Variants in DPP10 observed in about 807,000 individuals in gnomAD.
DPP10 encodes dipeptidyl peptidase like 10.
A neutral mutation model predicts 120.9 loss-of-function variants in DPP10; 33 were observed. The observed-to-expected ratio is 0.27, with a 90% CI of 0.21 to 0.37. The LOEUF is 0.37. Ranked by LOEUF, DPP10 falls within the 10% of genes least tolerant of loss-of-function variation. The probability of loss-of-function intolerance (pLI) is 1.00; values close to 1 mark genes in which losing one functional copy is unlikely to be tolerated. For synonymous variants in DPP10, 337 were observed against 326.1 expected, an observed-to-expected ratio of 1.03 and a Z score of -0.36; for missense variants, 816 against 942.8, an observed-to-expected ratio of 0.87 and a Z score of 1.76.
intron 1 of DPP10, among the ~76,000 whole-genome samples, chr2:115,040,947 C>T (rs527948344): frequency 3.3e-5 from 5 of 151,794 alleles, no homozygotes; most frequent in Non-Finnish European, 7.4e-5. Flanking sequence ...GATGAAGCTC[C>T]GTCTCTACTA....
rs70941039 is a variant in DPP10, at chr2:115,279,655, C to CTTTTTTTTTTTTTTTTTTTTTTTTT, written c.61-29581_61-29557dup. 3.0e-4 allele frequency among the ~76,000 whole-genome samples: 13 copies of CTTTTTTTTTTTTTTTTTTTTTTTTT among 42,720 alleles called. 2 individuals are homozygous for CTTTTTTTTTTTTTTTTTTTTTTTTT. The highest frequency in any genetic ancestry group is 3.3e-4 in the African/African-American group (3 of 9,158). The allele number at this position is 42,720 out of a possible 152,430, so 28.0% of individuals were successfully genotyped here. ...TTTCTTTCTTTCTTTTTTTCTTCTT[C>CTTTTTTTTTTTTTTTTTTTTTTTTT]TTTTTTTTTTTTTTTTTTTTTTTTT... On this transcript the variant is annotated intron_variant, in intron 1 of 25. Transcript: ENST00000410059.
intron 1 of DPP10, among the ~76,000 whole-genome samples, chr2:114,817,523 G>A (rs1395676324): frequency 1.3e-5 from 2 of 152,182 alleles, no homozygotes; most frequent in African/African-American, 2.4e-5. Context: ...GATGCCTGAA[G>A]GAGGGGCCAG....
chr2:115,113,349 C>T (rs2049329135), intron 1 of DPP10, among the ~76,000 whole-genome samples: 1 of 151,690 alleles, frequency 6.6e-6, no homozygotes, highest in South Asian at 2.1e-4. Context: ...CCAAATGGTT[C>T]TTTTGCCCCC....
intron 1 of DPP10, among the ~76,000 whole-genome samples, chr2:115,209,131 T>A (rs1350323333): frequency 6.6e-6 from 1 of 152,086 alleles, no homozygotes; most frequent in East Asian, 1.9e-4. Flanking sequence ...CAAAAAGATA[T>A]CCTTTGACTT....
At chr2:115,338,355 TA>T (rs1186878122) in intron 2 of DPP10, among the ~76,000 whole-genome samples, 6 of 152,104 alleles carry the variant, frequency 3.9e-5, no homozygotes, top group Non-Finnish European at 8.8e-5. Context: ...TATGTTTATA[TA>T]AAAGAGTCTG....
intron 3 of DPP10, among the ~76,000 whole-genome samples, chr2:115,416,239 C>A (rs975097659): frequency 2.0e-5 from 3 of 152,064 alleles, no homozygotes; most frequent in Admixed American, 6.6e-5. Flanking sequence ...AAGGTAGATT[C>A]AAGGTTGATA....
intron 1 of DPP10, among the ~76,000 whole-genome samples, chr2:115,169,809 T>A (rs1216742920): frequency 6.6e-6 from 1 of 152,224 alleles, no homozygotes; most frequent in Non-Finnish European, 1.5e-5. Flanking sequence ...TAATTCGTCA[T>A]GCTTACTGGT....
intron 3 of DPP10, among the ~76,000 whole-genome samples, chr2:115,430,761 A>G (rs573678675): frequency 6.6e-6 from 1 of 152,294 alleles, no homozygotes. Flanking sequence ...TTTGACTTTA[A>G]TAAAGACAGC....
chr2:115,657,776 G>A (rs922779018), intron 5 of DPP10, among the ~76,000 whole-genome samples: 2 of 151,840 alleles, frequency 1.3e-5, no homozygotes, highest in African/African-American at 2.4e-5. Flanking sequence ...CATGCTATCT[G>A]CTTATGTTCT....
chr2:115,495,365 G>GAA (rs3039998), intron 3 of DPP10, among the ~76,000 whole-genome samples: 16,472 of 82,150 alleles, frequency 0.2, 2,242 homozygotes, highest in East Asian at 0.29. Flanking sequence ...GCCATTTTCT[G>GAA]AAAAAAAAAA....
At chr2:114,988,103 C>T (rs954506103) in intron 1 of DPP10, among the ~76,000 whole-genome samples, 10 of 152,224 alleles carry the variant, frequency 6.6e-5, no homozygotes, top group African/African-American at 2.4e-4. Context: ...CGCGCCCGGC[C>T]GCCGGAGACT....
intron 1 of DPP10, among the ~76,000 whole-genome samples, chr2:114,685,433 A>T (rs1699299513): frequency 6.6e-6 from 1 of 152,036 alleles, no homozygotes; most frequent in Admixed American, 6.6e-5. Context: ...ATAGAAAAAC[A>T]TAGACCTAAG....
chr2:114,835,814 C>G (rs950908684), intron 1 of DPP10, among the ~76,000 whole-genome samples: 2 of 152,136 alleles, frequency 1.3e-5, no homozygotes, highest in Non-Finnish European at 2.9e-5. Context: ...TATTGTGTTT[C>G]TAATCTTCTC....
At chr2:114,448,687 G>T (rs1030462267) in intron 1 of DPP10, among the ~76,000 whole-genome samples, 25 of 152,156 alleles carry the variant, frequency 1.6e-4, no homozygotes, top group Non-Finnish European at 2.9e-5. Context: ...GCTATTGTCA[G>T]CCTGTAAGAA....
intron 1 of DPP10, among the ~76,000 whole-genome samples, chr2:114,713,234 C>A (rs1701139227): frequency 6.6e-6 from 1 of 152,098 alleles, no homozygotes; most frequent in South Asian, 2.1e-4. Context: ...GTTATCCAAC[C>A]CCTTCAGCTT....
chr2:114,812,736 C>T (rs12476637), intron 1 of DPP10, among the ~76,000 whole-genome samples: 31,343 of 151,834 alleles, frequency 0.21, 4,625 homozygotes, highest in African/African-American at 0.42. Flanking sequence ...GTTTGTTTGT[C>T]TGTCTTTGTT....
At chr2:115,148,382 C>G (rs1354912618) in intron 1 of DPP10, among the ~76,000 whole-genome samples, 1 of 152,106 alleles carries the variant, frequency 6.6e-6, no homozygotes, top group Non-Finnish European at 1.5e-5. Flanking sequence ...CATAAACCCC[C>G]ATTCTCTTTA....
intron 1 of DPP10, among the ~76,000 whole-genome samples, chr2:114,455,292 C>A (rs1232973926): frequency 6.6e-6 from 1 of 151,966 alleles, no homozygotes; most frequent in African/African-American, 2.4e-5. Flanking sequence ...CGCCTGTAAT[C>A]CCAGCACTTA....
intron 1 of DPP10, among the ~76,000 whole-genome samples, chr2:115,016,733 C>G (rs1333101723): frequency 6.6e-6 from 1 of 151,888 alleles, no homozygotes; most frequent in African/African-American, 2.4e-5. Flanking sequence ...ATTTATGCAG[C>G]CAACAGACAC....
Sources: allele counts gnomAD v4.1 joint callset (sites outside exome capture counted in the v4.1 genomes callset), GRCh38; gene constraint gnomAD v4.1.1; transcripts MANE v1.5; gene names NCBI Gene and HGNC (gene_info 2026-07-23, HGNC 2026-07-21).